SLC4A4: variants seen among roughly 807,000 people sequenced by gnomAD.
SLC4A4 encodes the protein solute carrier family 4 member 4, also known as electrogenic sodium bicarbonate cotransporter 1.
A neutral mutation model predicts 111.5 loss-of-function variants in SLC4A4; 27 were observed. The observed-to-expected ratio is 0.24, with a 90% CI of 0.18 to 0.33. The LOEUF (loss-of-function observed/expected upper bound fraction) is 0.33, where lower values mean the gene tolerates loss of function less well. Among genes scored for constraint, SLC4A4 ranks in the 10% least tolerant of loss-of-function variants. SLC4A4 has a pLI of 1.00. For missense variants in SLC4A4, 909 were observed against 1,315.5 expected (o/e 0.69, Z 4.78); for synonymous variants, 443 against 463.4 (o/e 0.96, Z 0.57).
At chr4:71,169,781 AGTTCT>A (rs1744885283) in intron 2 of SLC4A4, among the ~76,000 whole-genome samples, 1 of 152,210 alleles carries the variant, frequency 6.6e-6, no homozygotes, top group African/African-American at 2.4e-5. Context: ...TTGCCAGTTC[AGTTCT>A]AAGAATGAAC....
intron 12 of SLC4A4, among the ~76,000 whole-genome samples, chr4:71,455,302 T>G (rs140454651): frequency 0.013 from 1,936 of 152,274 alleles, 46 homozygotes; most frequent in African/African-American, 0.044. Flanking sequence ...CCAACTCTAA[T>G]AGGACATAGA....
At chr4:71,158,169 CCCT>C (rs1476773969) in intron 2 of SLC4A4, among the ~76,000 whole-genome samples, 1 of 150,862 alleles carries the variant, frequency 6.6e-6, no homozygotes, top group Non-Finnish European at 1.5e-5. Context: ...CTTTCTCTCT[CCCT>C]TTTATTTTTA....
rs1277735341 is a variant in SLC4A4 at position 71,420,859 on chromosome 4, C to T, written c.808-19757C>T. 2.0e-4 allele frequency among the ~76,000 whole-genome samples: 30 copies of T among 149,530 alleles called. No individual in the cohort carries two copies. In the South Asian group the frequency reaches 2.8e-3, roughly 14 times the overall value. ...AGCACTAAACATGGAAAGGAACAAC[C>T]GGTACCAGCCGCTGCAAAATCATGC... On this transcript the variant is annotated intron_variant, in intron 7 of 25. Transcript: ENST00000264485.
chr4:71,337,181 A>T (rs1728497650), intron 3 of SLC4A4, among the ~76,000 whole-genome samples: 1 of 152,228 alleles, frequency 6.6e-6, no homozygotes, highest in South Asian at 2.1e-4. Flanking sequence ...TTATGAAATT[A>T]CTATTAATAT....
At chr4:71,088,314 G>T (rs1320878342) in intron 1 of SLC4A4, among the ~76,000 whole-genome samples, 5 of 151,644 alleles carry the variant, frequency 3.3e-5, no homozygotes, top group African/African-American at 1.2e-4. Flanking sequence ...ACCTGAGGTG[G>T]GTTTCCTGAA....
chr4:71,554,205 C>T (rs749477368), intron 20 of SLC4A4, among the ~76,000 whole-genome samples: 2 of 151,860 alleles, frequency 1.3e-5, no homozygotes, highest in Non-Finnish European at 2.9e-5. Context: ...TTTCTGGTTA[C>T]AATAGCCTCC....
chr4:71,144,768 G>A (rs1744116900), intron 2 of SLC4A4, among the ~76,000 whole-genome samples: 1 of 152,190 alleles, frequency 6.6e-6, no homozygotes, highest in African/African-American at 2.4e-5. Context: ...CGGTGTATAA[G>A]AATGCTTGTG....
chr4:71,532,307 C>T (rs1734004626), intron 17 of SLC4A4, 132 bp downstream of exon 17: 2 of 703,154 alleles, frequency 2.8e-6, no homozygotes, highest in Non-Finnish European at 2.6e-6. Flanking sequence ...ATCAGTCCCT[C>T]TTAGGCTCAT....
intron 1 of SLC4A4, among the ~76,000 whole-genome samples, chr4:71,191,235 A>G (rs1745719582): frequency 6.6e-6 from 1 of 152,232 alleles, no homozygotes; most frequent in South Asian, 2.1e-4. Flanking sequence ...GACATAACCC[A>G]CCGTACATTT....
chr4:71,287,278 A>G (rs1229625670), intron 3 of SLC4A4, among the ~76,000 whole-genome samples: 1 of 152,254 alleles, frequency 6.6e-6, no homozygotes, highest in Non-Finnish European at 1.5e-5. Context: ...TTCAAAGTAT[A>G]AAAATTAAAA....
At chr4:71,279,828 C>T (rs1214944414) in intron 3 of SLC4A4, among the ~76,000 whole-genome samples, 2 of 152,232 alleles carry the variant, frequency 1.3e-5, no homozygotes, top group East Asian at 3.9e-4. Context: ...TGGAATCTTG[C>T]TCTGTTGCCC....
intron 18 of SLC4A4, among the ~76,000 whole-genome samples, chr4:71,541,774 G>T (rs1243096703): frequency 1.3e-5 from 2 of 151,968 alleles, no homozygotes; most frequent in Non-Finnish European, 2.9e-5. Flanking sequence ...GGTGGGAAGA[G>T]GCTGCTGCAT....
intron 1 of SLC4A4, among the ~76,000 whole-genome samples, chr4:71,084,137 A>G (rs1742077556): frequency 6.6e-6 from 1 of 152,022 alleles, no homozygotes; most frequent in Non-Finnish European, 1.5e-5. Context: ...TTCAAAGGCA[A>G]GATGGACTTT....
intron 6 of SLC4A4, among the ~76,000 whole-genome samples, chr4:71,387,059 A>G (rs1203370117): frequency 1.3e-5 from 2 of 152,160 alleles, no homozygotes; most frequent in South Asian, 2.1e-4. Context: ...ATTCTGCCCA[A>G]TGGGGTAGTG....
chr4:71,092,412 C>T (rs1486269), intron 1 of SLC4A4, among the ~76,000 whole-genome samples: 142,038 of 152,242 alleles, frequency 0.93, 66,527 homozygotes, highest in Non-Finnish European at 0.97. Flanking sequence ...TTTACATATT[C>T]CAAACCCTAG....
At chr4:71,303,033 A>T (rs1342656589) in intron 3 of SLC4A4, among the ~76,000 whole-genome samples, 1 of 152,222 alleles carries the variant, frequency 6.6e-6, no homozygotes, top group African/African-American at 2.4e-5. Flanking sequence ...CATTAAGGAA[A>T]GTATAAAAAT....
At chr4:71,474,792 G>A (rs1411626768) in intron 14 of SLC4A4, among the ~76,000 whole-genome samples, 1 of 151,818 alleles carries the variant, frequency 6.6e-6, no homozygotes, top group East Asian at 1.9e-4. Context: ...GCTAACTAGC[G>A]TTCAGCTGTA....
chr4:71,288,153 G>A (rs1724060315), intron 3 of SLC4A4, among the ~76,000 whole-genome samples: 1 of 152,096 alleles, frequency 6.6e-6, no homozygotes, highest in Admixed American at 6.5e-5. Context: ...TCTAGGGGAG[G>A]CTGTGTCAGA....
intron 2 of SLC4A4, among the ~76,000 whole-genome samples, chr4:71,247,491 AG>A: frequency 6.6e-6 from 1 of 152,246 alleles, no homozygotes; most frequent in African/African-American, 2.4e-5. Flanking sequence ...CACTGCAAAA[AG>A]AGAAGCCATA....
Sources: gnomAD v4.1 joint callset for allele counts (sites outside exome capture counted in the v4.1 genomes callset) on GRCh38, gnomAD v4.1.1 for gene constraint, MANE v1.5 for transcripts, NCBI Gene and HGNC (gene_info 2026-07-23, HGNC 2026-07-21) for gene names.